RGS6: variants seen among roughly 807,000 people sequenced by gnomAD.
The protein encoded by RGS6 is regulator of G-protein signaling 6.
A neutral mutation model predicts 78.5 loss-of-function variants in RGS6; 30 were observed. The observed-to-expected ratio is 0.38, with a 90% CI of 0.29 to 0.52. The LOEUF is 0.52. Among genes scored for constraint, RGS6 ranks in the 20% least tolerant of loss-of-function variants. The pLI is 0.85. For synonymous variants in RGS6, 206 were observed against 206.0 expected (o/e 1.00, Z 0.00); for missense variants, 495 against 609.7 (o/e 0.81, Z 1.98).
chr14:72,393,202 C>A (rs532496843), intron 3 of RGS6, among the ~76,000 whole-genome samples: 1 of 152,306 alleles, frequency 6.6e-6, no homozygotes, highest in East Asian at 1.9e-4. Flanking sequence ...TTTTTGTCCG[C>A]ACTTTTCTCA....
the RGS6 span, among the ~76,000 whole-genome samples, chr14:72,598,016 G>A: frequency 6.6e-6 from 1 of 152,182 alleles, no homozygotes; most frequent in African/African-American, 2.4e-5. Context: ...CCTTGAGTGG[G>A]TGTCTGTTAT....
intron 12 of RGS6, among the ~76,000 whole-genome samples, chr14:72,480,568 G>A (rs561139497): frequency 6.6e-6 from 1 of 152,268 alleles, no homozygotes; most frequent in African/African-American, 2.4e-5. Flanking sequence ...GCGACACGAG[G>A]GTTTTTCATT....
At chr14:72,384,180 C>T (rs1225081317) in intron 3 of RGS6, among the ~76,000 whole-genome samples, 1 of 152,092 alleles carries the variant, frequency 6.6e-6, no homozygotes, top group Admixed American at 6.6e-5. Context: ...AAAATAAACA[C>T]TGGGGCATGG....
At chr14:72,284,572 A>G (rs1268399519) in intron 2 of RGS6, among the ~76,000 whole-genome samples, 1 of 152,242 alleles carries the variant, frequency 6.6e-6, no homozygotes, top group Non-Finnish European at 1.5e-5. Flanking sequence ...AAACTCCTGG[A>G]TGTCCAGGCA....
At chr14:72,595,645 A>C in the RGS6 span, among the ~76,000 whole-genome samples, 1 of 152,214 alleles carries the variant, frequency 6.6e-6, no homozygotes, top group Non-Finnish European at 1.5e-5. Flanking sequence ...CTGATTCACC[A>C]TCAGTAAATC....
chr14:72,077,513 A>C (rs1322235370), intron 2 of RGS6, among the ~76,000 whole-genome samples: 1 of 152,104 alleles, frequency 6.6e-6, no homozygotes, highest in African/African-American at 2.4e-5. Flanking sequence ...TTTCCACCCC[A>C]GAGTTATCAA....
intron 2 of RGS6, among the ~76,000 whole-genome samples, chr14:72,253,753 G>A (rs2153849676): frequency 1.3e-5 from 2 of 152,318 alleles, no homozygotes; most frequent in South Asian, 4.1e-4. Flanking sequence ...TGAGTCTTGA[G>A]AGATACCATT....
intron 3 of RGS6, among the ~76,000 whole-genome samples, chr14:72,452,124 T>C (rs1001101703): frequency 6.6e-6 from 1 of 152,200 alleles, no homozygotes; most frequent in African/African-American, 2.4e-5. Flanking sequence ...ACAGTTCTTA[T>C]TTGATTTCTG....
intron 17 of RGS6, chr14:72,540,681 A>C: frequency 7.3e-7 from 1 of 1,376,694 alleles, no homozygotes; most frequent in Non-Finnish European, 9.6e-7. Context: ...TCCAGCCCCC[A>C]TCAGCCTCAT....
At position 72,120,178 on chromosome 14, in the gene RGS6, A is replaced by G. The variant is rs185685029; in HGVS notation, c.84+155303A>G. On this transcript the variant is annotated intron_variant, in intron 2 of 17. Coordinates refer to ENST00000553525, the MANE Select transcript of RGS6 (RefSeq NM_001204424.2). ...AGAGGATATAATTCAGATTTAAACC[A>G]TGGAATATTTTCCTTGATACTATTA... is the stretch of plus-strand genomic sequence containing the variant. Among the ~76,000 whole-genome samples the G allele has an allele frequency of 1.5e-4, 23 of 152,386 alleles. No individual in the cohort carries two copies. The East Asian group carries it at 3.9e-3, about 26-fold the overall frequency.
chr14:72,560,347 G>A lies in RGS6; in HGVS notation c.1423-2070G>A, dbSNP rs530518974. ...CAGGGATGGACATAGGTAACCGGGG[G>A]TAGGGGAGGTTTGTAAGAGCTCTCA... On this transcript the variant is annotated intron_variant, in intron 17 of 17. Coordinates refer to ENST00000553525, the MANE Select transcript of RGS6 (RefSeq NM_001204424.2). 2.3e-3 allele frequency among the ~76,000 whole-genome samples: 355 copies of A among 152,338 alleles called. 1 individual carries two copies. The highest frequency in any genetic ancestry group is 0.017 in the Middle Eastern group (5 of 294).
chr14:72,593,342 C>T, the RGS6 span, among the ~76,000 whole-genome samples: 4 of 152,172 alleles, frequency 2.6e-5, no homozygotes, highest in Non-Finnish European at 5.9e-5. Flanking sequence ...ATGCAGCTTT[C>T]TATGCCTCAT....
At chr14:72,432,345 T>C (rs2094685252) in intron 3 of RGS6, among the ~76,000 whole-genome samples, 1 of 152,166 alleles carries the variant, frequency 6.6e-6, no homozygotes, top group Admixed American at 6.5e-5. Context: ...CAATTCTACA[T>C]GATCCAAAAA....
chr14:72,030,805 A>T (rs893355168), intron 2 of RGS6, among the ~76,000 whole-genome samples: 3 of 152,222 alleles, frequency 2.0e-5, no homozygotes, highest in Admixed American at 2.0e-4. Flanking sequence ...AATAGGCTTT[A>T]CAGCCAAAAG....
intron 3 of RGS6, among the ~76,000 whole-genome samples, chr14:72,388,701 C>T (rs949475869): frequency 2.6e-5 from 4 of 152,196 alleles, no homozygotes; most frequent in African/African-American, 9.7e-5. Context: ...CCTCAGGCTT[C>T]TTAAGTTTGA....
intron 2 of RGS6, among the ~76,000 whole-genome samples, chr14:72,072,162 G>T (rs1043985764): frequency 6.6e-6 from 1 of 152,154 alleles, no homozygotes; most frequent in Non-Finnish European, 1.5e-5. Flanking sequence ...ATGGAGGAGT[G>T]AACTAAAGCA....
chr14:71,979,455 T>C (rs1265112347), intron 2 of RGS6, among the ~76,000 whole-genome samples: 1 of 151,828 alleles, frequency 6.6e-6, no homozygotes, highest in African/African-American at 2.4e-5. Context: ...GAGATTCTGG[T>C]ATGTTGTGTC....
At chr14:72,383,200 A>G (rs2086736766) in intron 3 of RGS6, among the ~76,000 whole-genome samples, 2 of 125,956 alleles carry the variant, frequency 1.6e-5, no homozygotes, top group South Asian at 5.2e-4. Context: ...ATATATATAT[A>G]TATATATATA....
At chr14:72,509,250 C>T (rs907195091) in intron 13 of RGS6, among the ~76,000 whole-genome samples, 6 of 151,534 alleles carry the variant, frequency 4.0e-5, no homozygotes, top group Non-Finnish European at 8.8e-5. Flanking sequence ...CTGTAGTCCC[C>T]GCTATTCGGG....
Sources: allele counts gnomAD v4.1 joint callset (sites outside exome capture counted in the v4.1 genomes callset), GRCh38; gene constraint gnomAD v4.1.1; transcripts MANE v1.5; gene names NCBI Gene and HGNC (gene_info 2026-07-23, HGNC 2026-07-21).